Variants in PPP5C observed in about 807,000 individuals in gnomAD.
PPP5C encodes the protein protein phosphatase 5 catalytic subunit, also known as serine/threonine-protein phosphatase 5.
PPP5C carries 21 observed loss-of-function variants against 66.7 expected under a neutral mutation model. That is an observed-to-expected ratio of 0.31 (90% confidence interval 0.22 to 0.45). The LOEUF (loss-of-function observed/expected upper bound fraction) is 0.45. Among genes scored for constraint, PPP5C ranks in the 20% least tolerant of loss-of-function variants. The pLI is 1.00. For synonymous variants in PPP5C, 246 were observed against 257.4 expected, an observed-to-expected ratio of 0.96 and a Z score of 0.43; for missense variants, 464 against 675.9, an observed-to-expected ratio of 0.69 and a Z score of 3.48.
intron 2 of PPP5C, among the ~76,000 whole-genome samples, chr19:46,359,583 T>G (rs553855888): frequency 6.6e-6 from 1 of 152,082 alleles, no homozygotes; most frequent in Non-Finnish European, 1.5e-5. Context: ...AACACAGATG[T>G]GCAACTGAAG....
intron 2 of PPP5C, among the ~76,000 whole-genome samples, chr19:46,366,500 C>A (rs1224038676): frequency 6.6e-6 from 1 of 152,030 alleles, no homozygotes; most frequent in Non-Finnish European, 1.5e-5. Flanking sequence ...TGCATGCCAC[C>A]GTGCCTGGCT....
intron 4 of PPP5C, chr19:46,382,722 T>C (rs184364027): frequency 1.6e-4 from 141 of 900,058 alleles, no homozygotes; most frequent in Admixed American, 9.8e-4. Context: ...AACAAAGACG[T>C]CCTCTTGTGT....
At chr19:46,380,743 CT>C (rs1972776236) in intron 4 of PPP5C, among the ~76,000 whole-genome samples, 1 of 152,110 alleles carries the variant, frequency 6.6e-6, no homozygotes, top group African/African-American at 2.4e-5. Context: ...TTCCCATTGC[CT>C]TTTGACCTCC....
chr19:46,379,712 G>A (rs1019621655), intron 4 of PPP5C, among the ~76,000 whole-genome samples: 2 of 152,016 alleles, frequency 1.3e-5, no homozygotes, highest in Non-Finnish European at 2.9e-5. Context: ...TGTGTGTGGC[G>A]AGGGGTGGAG....
chr19:46,387,695 C>G, intron 9 of PPP5C: 1 of 1,437,948 alleles, frequency 7.0e-7, no homozygotes, highest in Non-Finnish European at 9.2e-7. Flanking sequence ...GCACACCTGT[C>G]CTTATTTATT....
intron 2 of PPP5C, among the ~76,000 whole-genome samples, chr19:46,367,499 A>G (rs1454668463): frequency 6.6e-6 from 1 of 152,160 alleles, no homozygotes; most frequent in African/African-American, 2.4e-5. Flanking sequence ...TTGGTTTAAC[A>G]TAGAGGACGG....
rs116561301 is a variant in PPP5C at position 46,358,525 on chromosome 19, C to T, written c.363+4536C>T. 2.0e-3 allele frequency among the ~76,000 whole-genome samples: 300 copies of T among 152,288 alleles called. 1 individual carries two copies. Among genetic ancestry groups the T allele is most frequent in the African/African-American group, 6.9e-3 (286 of 41,570 alleles). ...TTAATTCATAACTCATTTATTCATT[C>T]GTTTACCCTCGTAAATGTTCCTCCG... On this transcript the variant is annotated intron_variant, in intron 2 of 12. Coordinates refer to ENST00000012443, the MANE Select transcript of PPP5C (RefSeq NM_006247.4).
Position 46,383,334 on chromosome 19 carries a change from GGGCAGTCCA to G in PPP5C, c.634-73_634-65del, listed in dbSNP as rs1162188773. ...CGCCCTCAGCCCAGCAGCGTCTCATGGGCAGTCCAGGCTTTCGGGGCCAGGTTGGGCAGC... is the reference window on the plus strand; with the variant it reads ...CGCCCTCAGCCCAGCAGCGTCTCATGGGCTTTCGGGGCCAGGTTGGGCAGC... On this transcript the variant is annotated intron_variant, in intron 4 of 12. Coordinates refer to ENST00000012443, the MANE Select transcript of PPP5C (RefSeq NM_006247.4). The surrounding 1 kb of genome is among the most constrained non-coding windows in gnomAD (Gnocchi z 5.0). The G allele has an allele frequency of 6.4e-7, 1 of 1,569,294 alleles. No individual in the cohort carries two copies.
At chr19:46,377,356 C>T (rs1972713448) in intron 4 of PPP5C, among the ~76,000 whole-genome samples, 1 of 152,180 alleles carries the variant, frequency 6.6e-6, no homozygotes, top group African/African-American at 2.4e-5. Flanking sequence ...ACTGTCTCCA[C>T]CAAGGGCTGT....
chr19:46,355,714 G>A (rs966348345), intron 2 of PPP5C, among the ~76,000 whole-genome samples: 3 of 152,134 alleles, frequency 2.0e-5, no homozygotes, highest in African/African-American at 7.2e-5. Context: ...GGCCGCCTCC[G>A]GATGGCTGTG....
At chr19:46,375,868 T>C (rs1972686336) in intron 3 of PPP5C, 117 bp downstream of exon 3, 9 of 1,439,544 alleles carry the variant, frequency 6.3e-6, no homozygotes, top group Admixed American at 5.3e-5. Flanking sequence ...CCCAGGCTGG[T>C]GTCTGTCGCT....
Position 46,390,302 on chromosome 19 carries a change from CCCATGGCCTATGCCAA to C in PPP5C, c.1458_1473del (p.Met487ArgfsTer5). On this transcript the variant is annotated frameshift_variant, in exon 13 of 13. Coordinates refer to ENST00000012443, the MANE Select transcript of PPP5C (RefSeq NM_006247.4). LOFTEE classifies it high-confidence loss of function. ...CCCACAGCCTCATCCCAACGTCAAG[CCCATGGCCTATGCCAA>C]CACGCTGCTGCAGCTAGGAATGATG... is the stretch of plus-strand genomic sequence containing the variant. 1 of 1,590,848 alleles carries C rather than the reference CCCATGGCCTATGCCAA, an allele frequency of 6.3e-7. No individual in the cohort carries two copies. The highest frequency in any genetic ancestry group is 8.6e-7 in the Non-Finnish European group (1 of 1,168,492).
intron 7 of PPP5C, among the ~76,000 whole-genome samples, chr19:46,386,033 A>G (rs2040504526): frequency 6.6e-6 from 1 of 151,860 alleles, no homozygotes; most frequent in African/African-American, 2.4e-5. Flanking sequence ...CAAAGAGGGA[A>G]CGAAAGGGGC....
chr19:46,389,712 T>C (rs1028333287), intron 11 of PPP5C, among the ~76,000 whole-genome samples: 3 of 152,020 alleles, frequency 2.0e-5, no homozygotes, highest in Non-Finnish European at 2.9e-5. Flanking sequence ...CCGTGTGACA[T>C]GTTCCTCTGT....
At chr19:46,385,544 C>T (rs930586518) in intron 7 of PPP5C, among the ~76,000 whole-genome samples, 17 of 152,238 alleles carry the variant, frequency 1.1e-4, no homozygotes, top group African/African-American at 4.1e-4. Context: ...TTTTGGGAGG[C>T]CAAGGCAGGT....
At chr19:46,382,699 T>C in intron 4 of PPP5C, 3 of 740,776 alleles carry the variant, frequency 4.0e-6, no homozygotes, top group Non-Finnish European at 4.9e-6. Context: ...CATCATAACC[T>C]GGATCTCCCA....
At position 46,363,307 on chromosome 19, in the gene PPP5C, CAAAAAAAAAAAAAAAAAA is replaced by C. The variant is rs1158423038; in HGVS notation, c.363+9341_363+9358del. Among the ~76,000 whole-genome samples the C allele has an allele frequency of 0.011, 304 of 27,880 alleles. 4 individuals are homozygous for C. The East Asian group carries it at 0.16, about 15-fold the overall frequency. The allele number at this position is 27,880 out of a possible 152,430, so 18.3% of individuals were successfully genotyped here. A position where few individuals can be genotyped will look rare whatever the true frequency, so the allele number is the denominator to read the frequency against. On this transcript the variant is annotated intron_variant, in intron 2 of 12. Coordinates refer to ENST00000012443, the MANE Select transcript of PPP5C (RefSeq NM_006247.4). ...TGGGCGACAGAGCGAGACTCCATCT[CAAAAAAAAAAAAAAAAAA>C]AAAAAAAAAAAAAAAAAAAAAACAA... is the stretch of plus-strand genomic sequence containing the variant.
In PPP5C at chr19:46,390,791, C is replaced by G. The variant is rs1247917667; in HGVS notation, c.*445C>G. ...GTGGGGCTAGGCTGGGGCTCACCCC[C>G]CTCCCCAGCTATTTTATGTCTGTAA... On this transcript the variant is annotated 3_prime_UTR_variant, in exon 13 of 13. Coordinates refer to ENST00000012443, the MANE Select transcript of PPP5C (RefSeq NM_006247.4). The G allele has an allele frequency of 8.9e-7, 1 of 1,126,590 alleles. No individual in the cohort carries two copies. The highest frequency in any genetic ancestry group is 1.1e-6 in the Non-Finnish European group (1 of 909,468). The allele number at this position is 1,126,590 out of a possible 1,614,324, so 69.8% of individuals were successfully genotyped here.
intron 2 of PPP5C, among the ~76,000 whole-genome samples, chr19:46,354,390 C>T (rs1465254708): frequency 6.6e-6 from 1 of 152,180 alleles, no homozygotes; most frequent in Non-Finnish European, 1.5e-5. Flanking sequence ...GGACAGGAGC[C>T]ACACAGCCTC....
Sources: gnomAD v4.1 joint callset for allele counts (sites outside exome capture counted in the v4.1 genomes callset) on GRCh38, gnomAD v4.1.1 for gene constraint, Gnocchi (gnomAD v3.1) non-coding constraint, MANE v1.5 for transcripts, NCBI Gene and HGNC (gene_info 2026-07-23, HGNC 2026-07-21) for gene names.